The following DNAJC8 variants were observed in gnomAD, a reference collection of about 807,000 sequenced individuals.
DNAJC8 encodes the protein dnaJ homolog subfamily C member 8.
A neutral mutation model predicts 43.2 loss-of-function variants in DNAJC8; 24 were observed. The observed-to-expected ratio is 0.56, with a 90% CI of 0.40 to 0.78. The LOEUF is 0.78. Among genes scored for constraint, DNAJC8 ranks in the 30% least tolerant of loss-of-function variants. The pLI, the probability that DNAJC8 is intolerant of heterozygous loss-of-function variation, is 0.00. For synonymous variants in DNAJC8, 83 were observed against 98.0 expected, an observed-to-expected ratio of 0.85 and a Z score of 0.90; for missense variants, 207 against 299.4, an observed-to-expected ratio of 0.69 and a Z score of 2.28.
At chr1:28,215,018 C>A in intron 2 of DNAJC8, 22 bp from the exon 3 acceptor site, 1 of 1,587,536 alleles carries the variant, frequency 6.3e-7, no homozygotes, top group Non-Finnish European at 8.6e-7. Context: ...AAAATCAAAA[C>A]CATAAAAAAG....
intron 1 of DNAJC8, among the ~76,000 whole-genome samples, chr1:28,232,268 C>G (rs933841573): frequency 2.6e-5 from 4 of 152,168 alleles, no homozygotes; most frequent in Non-Finnish European, 5.9e-5. Context: ...TGACTCCAAA[C>G]GGCATGCTTT....
intron 2 of DNAJC8, among the ~76,000 whole-genome samples, chr1:28,228,624 G>A (rs1646953852): frequency 6.6e-6 from 1 of 152,058 alleles, no homozygotes; most frequent in Admixed American, 6.6e-5. Context: ...GATGCTCAAA[G>A]AAAATGCTCA....
intron 3 of DNAJC8, among the ~76,000 whole-genome samples, chr1:28,214,134 C>T (rs952172246): frequency 2.6e-5 from 4 of 151,874 alleles, no homozygotes; most frequent in African/African-American, 9.7e-5. Context: ...GTTATTAAAC[C>T]TACGAATGGG....
chr1:28,204,732 A>G (rs1646757761), intron 7 of DNAJC8, among the ~76,000 whole-genome samples: 1 of 152,126 alleles, frequency 6.6e-6, no homozygotes, highest in Non-Finnish European at 1.5e-5. Context: ...TTGATTATAA[A>G]TAAACTCCCT....
intron 5 of DNAJC8, 185 bp from the exon 6 acceptor site, chr1:28,208,598 C>G (rs955387284): frequency 2.6e-6 from 1 of 379,150 alleles, no homozygotes. Context: ...AAATTAGGAA[C>G]CACAAGTCCT....
chr1:28,220,772 G>C (rs1463335927), intron 2 of DNAJC8, among the ~76,000 whole-genome samples: 1 of 152,152 alleles, frequency 6.6e-6, no homozygotes, highest in Non-Finnish European at 1.5e-5. Context: ...CAGTAGATAA[G>C]GGAGAGACAA....
intron 2 of DNAJC8, 151 bp downstream of exon 2, chr1:28,228,771 A>G (rs1247639135): frequency 3.2e-6 from 2 of 621,696 alleles, no homozygotes; most frequent in Non-Finnish European, 5.2e-6. Flanking sequence ...GGAATACTCA[A>G]TTTTGTACTA....
At chr1:28,223,797 G>C (rs938899908) in intron 2 of DNAJC8, among the ~76,000 whole-genome samples, 1 of 152,038 alleles carries the variant, frequency 6.6e-6, no homozygotes, top group Admixed American at 6.6e-5. Context: ...AAATCCTGTG[G>C]GGTTGGACTG....
intron 3 of DNAJC8, 142 bp from the exon 4 acceptor site, chr1:28,210,779 T>C (rs1409523452): frequency 3.1e-5 from 18 of 573,948 alleles, no homozygotes; most frequent in Non-Finnish European, 5.6e-5. Flanking sequence ...AATTAACAAA[T>C]CTCTTTAAAT....
At chr1:28,215,631 C>A (rs539873028) in intron 2 of DNAJC8, among the ~76,000 whole-genome samples, 5 of 150,736 alleles carry the variant, frequency 3.3e-5, no homozygotes, top group East Asian at 4.0e-4. Context: ...TCCACCTCCG[C>A]GGTTCAAGCG....
At chr1:28,203,562 A>G (rs1279482938) in intron 8 of DNAJC8, among the ~76,000 whole-genome samples, 185 bp downstream of exon 8, 1 of 152,192 alleles carries the variant, frequency 6.6e-6, no homozygotes, top group Non-Finnish European at 1.5e-5. Flanking sequence ...AGGGATCCTC[A>G]TCGTCCTTGC....
Position 28,201,172 on chromosome 1 carries a change from G to A in DNAJC8, c.*76C>T. 1.3e-6 allele frequency: 2 copies of A among 1,593,234 alleles called. No homozygotes were observed. Among genetic ancestry groups the A allele is most frequent in the Non-Finnish European group, 1.7e-6 (2 of 1,170,652 alleles). ...TACTACTCTATGTTGGGGTGGAAGT[G>A]GGAGGAAAGAATGAGTCCTTCGAAG... is the stretch of plus-strand genomic sequence containing the variant. On this transcript the variant is annotated 3_prime_UTR_variant, in exon 9 of 9. Transcript: ENST00000263697.
intron 2 of DNAJC8, among the ~76,000 whole-genome samples, chr1:28,220,667 T>C (rs1419810670): frequency 1.3e-5 from 2 of 152,168 alleles, no homozygotes; most frequent in Non-Finnish European, 2.9e-5. Context: ...TGAAAAGCTG[T>C]TGCATTGGGA....
chr1:28,210,003 A>G lies in DNAJC8; in HGVS notation c.368T>C (p.Ile123Thr), dbSNP rs752254095. 6.2e-7 allele frequency: 1 copy of G among 1,614,086 alleles called. No individual in the cohort carries two copies. The highest frequency in any genetic ancestry group is 2.2e-5 in the East Asian group (1 of 44,886). The change falls in exon 5 of 9, where the codon ATT becomes ACT. Residue 123 changes from isoleucine to threonine, a missense_variant. Ile to Thr is a moderately conservative substitution (Grantham distance 89, BLOSUM62 -1). Coordinates refer to ENST00000263697, the MANE Select transcript of DNAJC8 (RefSeq NM_014280.3). ...QEQKKRALDVIQAGKEYVEHT... is the reference protein window; with the variant it reads ...QEQKKRALDVTQAGKEYVEHT... ...TTCCACGTATTCTTTTCCTGCCTGAATTACATCCAGGGCCCTCTTCTTTTG... is the reference window on the plus strand; with the variant it reads ...TTCCACGTATTCTTTTCCTGCCTGAGTTACATCCAGGGCCCTCTTCTTTTG...
chr1:28,221,840 C>CAT (rs1481732733), intron 2 of DNAJC8, among the ~76,000 whole-genome samples: 1 of 152,080 alleles, frequency 6.6e-6, no homozygotes, highest in East Asian at 1.9e-4. Context: ...TAGAACAACC[C>CAT]ATGTCCATCA....
rs556729808 is a variant in DNAJC8 at position 28,202,428 on chromosome 1, C to T, written c.640-1058G>A. 1.7e-4 allele frequency among the ~76,000 whole-genome samples: 25 copies of T among 149,414 alleles called. No homozygotes were observed. In the East Asian group the frequency reaches 4.0e-3, roughly 24 times the overall value. On this transcript the variant is annotated intron_variant, in intron 8 of 8. Coordinates refer to ENST00000263697, the MANE Select transcript of DNAJC8 (RefSeq NM_014280.3). Reference sequence around the variant, plus strand: ...CTGAATAGCTGGGACTAAAGGGGCCCGCCACCACGCCCGGCTAATTTTTTG... The same window carrying T: ...CTGAATAGCTGGGACTAAAGGGGCCTGCCACCACGCCCGGCTAATTTTTTG...
chr1:28,218,857 G>C (rs908329600), intron 2 of DNAJC8, among the ~76,000 whole-genome samples: 1 of 152,130 alleles, frequency 6.6e-6, no homozygotes, highest in Non-Finnish European at 1.5e-5. Context: ...TCACTCAATA[G>C]GAAGAGCAAA....
intron 2 of DNAJC8, among the ~76,000 whole-genome samples, chr1:28,224,324 A>C (rs1646918994): frequency 6.6e-6 from 1 of 152,050 alleles, no homozygotes; most frequent in Admixed American, 6.6e-5. Context: ...CTGGAGTGCA[A>C]TGGTGCAATC....
chr1:28,223,109 G>A (rs750662619), intron 2 of DNAJC8, among the ~76,000 whole-genome samples: 1 of 152,176 alleles, frequency 6.6e-6, no homozygotes, highest in Non-Finnish European at 1.5e-5. Flanking sequence ...GCCTGGTATG[G>A]TGAGAAGGGT....
Sources: allele counts gnomAD v4.1 joint callset (sites outside exome capture counted in the v4.1 genomes callset), GRCh38; gene constraint gnomAD v4.1.1; transcripts MANE v1.5; gene names NCBI Gene and HGNC (gene_info 2026-07-23, HGNC 2026-07-21).